The following SF3B2 variants were observed in gnomAD, a reference collection of about 807,000 sequenced individuals.
SF3B2 encodes the protein SAP 145.
A neutral mutation model predicts 116.3 loss-of-function variants in SF3B2; 22 were observed. That is an observed-to-expected ratio of 0.19 (90% CI 0.14 to 0.27). SF3B2 has a LOEUF of 0.27. SF3B2 is among the 10% of genes least tolerant of loss of function. SF3B2 has a pLI of 1.00. For missense variants in SF3B2, 767 were observed against 1,151.4 expected (o/e 0.67, Z 4.83); for synonymous variants, 406 against 421.6 (o/e 0.96, Z 0.45).
intron 5 of SF3B2, 94 bp from the exon 6 acceptor site, chr11:66,056,744 T>C: frequency 1.1e-6 from 1 of 908,786 alleles, no homozygotes; most frequent in South Asian, 1.4e-5. Flanking sequence ...ATTGTTCTCC[T>C]TGGGCCCATT....
intron 21 of SF3B2, 40 bp from the exon 22 acceptor site, chr11:66,068,634 T>C: frequency 6.3e-7 from 1 of 1,599,166 alleles, no homozygotes; most frequent in South Asian, 1.1e-5. Context: ...CCGGGGGTGG[T>C]TCAACCTGTC....
chr11:66,057,920 C>T (rs1461356243), intron 7 of SF3B2, 134 bp from the exon 8 acceptor site: 30 of 641,856 alleles, frequency 4.7e-5, no homozygotes, highest in African/African-American at 3.7e-4. Flanking sequence ...TGTGGTGGGC[C>T]GAGATCGCGC....
intron 16 of SF3B2, among the ~76,000 whole-genome samples, chr11:66,062,304 A>G (rs1326400788): frequency 3.3e-5 from 5 of 152,108 alleles, no homozygotes; most frequent in South Asian, 2.1e-4. Flanking sequence ...ATGTGTTTCC[A>G]GATATGTCTC....
chr11:66,054,573 C>T (rs1438536995), intron 3 of SF3B2, among the ~76,000 whole-genome samples: 1 of 152,150 alleles, frequency 6.6e-6, no homozygotes, highest in Admixed American at 6.5e-5. Context: ...GCCCCAGGCA[C>T]AGTTCCCATG....
rs201553683 is a variant in SF3B2, at chr11:66,061,731, C to T, written c.1825C>T (p.Leu609=). The T allele has an allele frequency of 6.2e-7, 1 of 1,614,202 alleles. No individual in the cohort carries two copies. Among genetic ancestry groups the T allele is most frequent in the East Asian group, 2.2e-5 (1 of 44,890 alleles). ...TRLKEKKPGD[L]SDELRISLGM... ...ACTGAAGGAGAAGAAGCCAGGAGAT[C>T]TGTCTGATGAGCTAAGGATTTCCTT... The change falls in exon 15 of 22, where the codon CTG becomes TTG. Residue 609 remains leucine, a synonymous_variant. Transcript: ENST00000322535.
At chr11:66,052,874 G>T in intron 2 of SF3B2, 153 bp from the exon 3 acceptor site, 2 of 1,191,274 alleles carry the variant, frequency 1.7e-6, no homozygotes, top group African/African-American at 3.1e-5. Flanking sequence ...CAGCTTAGTT[G>T]TAATTTCTTG....
At chr11:66,060,794 TTTTGTTTG>T in intron 14 of SF3B2, 63 bp downstream of exon 14, 1 of 1,533,034 alleles carries the variant, frequency 6.5e-7, no homozygotes, top group Non-Finnish European at 8.9e-7. Context: ...TAGGGCTTTT[TTTTGTTTG>T]TTTGTTTGTT....
chr11:66,053,319 T>C, intron 3 of SF3B2: 1 of 576,220 alleles, frequency 1.7e-6, no homozygotes, highest in East Asian at 2.9e-5. Context: ...CATGACAGAA[T>C]TGTGAGCTCT....
chr11:66,066,330 G>A (rs1857183450), intron 19 of SF3B2: 1 of 151,484 alleles, frequency 6.6e-6, no homozygotes, highest in South Asian at 2.1e-4. Context: ...CTTTTTTTGA[G>A]AGAGGTTCTC....
At chr11:66,053,364 T>C (rs1856925992) in intron 3 of SF3B2, 2 of 498,236 alleles carry the variant, frequency 4.0e-6, no homozygotes, top group East Asian at 3.5e-5. Flanking sequence ...CTTGCCTCCT[T>C]TTCCACTGTC....
rs980932708 is a variant in SF3B2 at position 66,063,745 on chromosome 11, A to C, written c.2330+16A>C. Reference sequence around the variant, plus strand: ...CGATGGACGGGTAAGGGTACCAGACAGGGCTGAGAGGGGAGGACCTTCACT... The same window carrying C: ...CGATGGACGGGTAAGGGTACCAGACCGGGCTGAGAGGGGAGGACCTTCACT... On this transcript the variant is annotated intron_variant, in intron 19 of 21. Coordinates refer to ENST00000322535, the MANE Select transcript of SF3B2 (RefSeq NM_006842.3). 1 of 1,569,562 alleles carries C rather than the reference A, an allele frequency of 6.4e-7. No homozygotes were observed. The highest frequency in any genetic ancestry group is 8.6e-7 in the Non-Finnish European group (1 of 1,157,154).
chr11:66,060,855 A>G (rs1857090635), intron 14 of SF3B2, 124 bp downstream of exon 14: 1 of 1,062,574 alleles, frequency 9.4e-7, no homozygotes, highest in East Asian at 2.4e-5. Context: ...GCTGGAGTGC[A>G]GTGGTGGGAT....
chr11:66,053,121 G>A lies in SF3B2; in HGVS notation c.258+17G>A, dbSNP rs769113006. The A allele has an allele frequency of 6.2e-7, 1 of 1,610,108 alleles. No individual in the cohort carries two copies. The highest frequency in any genetic ancestry group is 8.5e-7 in the Non-Finnish European group (1 of 1,176,910). On this transcript the variant is annotated intron_variant, in intron 3 of 21. Transcript: ENST00000322535. ...TCGGCACAGGTAGGGAGATTCTTCT[G>A]TTTTTTAAGATTCCATCTGCTGATC...
At chr11:66,065,046 A>G (rs1256962260) in intron 19 of SF3B2, 1 of 151,792 alleles carries the variant, frequency 6.6e-6, no homozygotes, top group Non-Finnish European at 1.5e-5. Context: ...ATCTTGGCTC[A>G]CTATAACCTC....
intron 14 of SF3B2, among the ~76,000 whole-genome samples, chr11:66,061,330 A>G (rs1175043755): frequency 6.6e-6 from 1 of 152,170 alleles, no homozygotes; most frequent in Non-Finnish European, 1.5e-5. Context: ...AACTTTTAAT[A>G]TTGGGAGTGG....
At chr11:66,057,972 CAAAA>C (rs60074596) in intron 7 of SF3B2, 78 bp from the exon 8 acceptor site, 18 of 810,244 alleles carry the variant, frequency 2.2e-5, no homozygotes, top group East Asian at 1.8e-4. Flanking sequence ...AACTCCGTCT[CAAAA>C]AAAAAAAAAA....
intron 19 of SF3B2, among the ~76,000 whole-genome samples, chr11:66,064,171 G>A (rs904254105): frequency 6.6e-6 from 1 of 152,204 alleles, no homozygotes; most frequent in African/African-American, 2.4e-5. Context: ...AGGTCTTCAT[G>A]AATTGACCCC....
Position 66,068,714 on chromosome 11 carries a change from G to C in SF3B2, c.2657G>C (p.Gly886Ala). The C allele has an allele frequency of 6.2e-7, 1 of 1,614,090 alleles. No individual in the cohort carries two copies. The highest frequency in any genetic ancestry group is 1.3e-5 in the African/African-American group (1 of 75,006). ...GCTCAGCCCCAGGACAGCCGTGGGG[G>C]CAGCAAGAAATATAAGGAGTTCAAG... is the stretch of plus-strand genomic sequence containing the variant. ...RKAQPQDSRG[G>A]SKKYKEFKF Residue 886 changes from glycine to alanine, a missense_variant, in exon 22 of 22, where the codon GGC becomes GCC. Gly to Ala is a moderately conservative substitution (Grantham distance 60). Coordinates refer to ENST00000322535, the MANE Select transcript of SF3B2 (RefSeq NM_006842.3).
At chr11:66,063,910 A>G (rs771749611) in intron 19 of SF3B2, among the ~76,000 whole-genome samples, 181 bp downstream of exon 19, 32 of 152,232 alleles carry the variant, frequency 2.1e-4, no homozygotes, top group Non-Finnish European at 2.2e-4. Flanking sequence ...AGAGAACAAG[A>G]TACTTTCAGA....
Sources: gnomAD v4.1 joint callset for allele counts (sites outside exome capture counted in the v4.1 genomes callset) on GRCh38, gnomAD v4.1.1 for gene constraint, MANE v1.5 for transcripts, NCBI Gene and HGNC (gene_info 2026-07-23, HGNC 2026-07-21) for gene names.